Variants in ATP2C2 observed in about 807,000 individuals in gnomAD.
The protein encoded by ATP2C2 is ATPase secretory pathway Ca2+ transporting 2, also known as calcium-transporting ATPase type 2C member 2.
In ATP2C2, 171 loss-of-function variants were observed where a neutral mutation model predicts 110.8. That is an observed-to-expected ratio of 1.54 (90% CI 1.36 to 1.75). ATP2C2 has a LOEUF of 1.75. Ranked by LOEUF, ATP2C2 falls within the 40% of genes most tolerant of loss-of-function variation. The probability of loss-of-function intolerance (pLI) is 0.00; values close to 1 mark genes in which losing one functional copy is unlikely to be tolerated. For synonymous variants in ATP2C2, 804 were observed against 508.4 expected (o/e 1.58, Z -7.82); for missense variants, 1,963 against 1,235.0 (o/e 1.59, Z -8.84).
chr16:84,439,011 G>A, intron 11 of ATP2C2, 155 bp from the exon 12 acceptor site: 1 of 1,131,568 alleles, frequency 8.8e-7, no homozygotes, highest in Non-Finnish European at 1.2e-6. Context: ...TGCAGAAGGA[G>A]GCAGGTGCAC....
chr16:84,421,399 G>A (rs1009361145), intron 7 of ATP2C2, among the ~76,000 whole-genome samples: 2 of 152,232 alleles, frequency 1.3e-5, no homozygotes, highest in African/African-American at 4.8e-5. Flanking sequence ...ATTTTTAAAA[G>A]ATGACTACTA....
chr16:84,448,767 C>T lies in ATP2C2; in HGVS notation c.1660+78C>T, dbSNP rs1909994522. 46 of 1,526,150 alleles carry T rather than the reference C, an allele frequency of 3.0e-5. 3 individuals carry two copies. In the South Asian group the frequency reaches 5.9e-4, roughly 20 times the overall value. 94.5% of individuals were successfully genotyped at this position (1,526,150 alleles called of 1,614,324 possible). On this transcript the variant is annotated intron_variant, in intron 17 of 26. Transcript: ENST00000262429. ...TTTTAAGTGCATTCAAGCAGGGTCC[C>T]TAGTCAAGGAGGTCACCCGTCCCAA... is the stretch of plus-strand genomic sequence containing the variant.
At chr16:84,383,596 C>A (rs568313591) in intron 1 of ATP2C2, among the ~76,000 whole-genome samples, 1 of 152,148 alleles carries the variant, frequency 6.6e-6, no homozygotes, top group African/African-American at 2.4e-5. Context: ...GATGATAGCA[C>A]AAACACTATA....
intron 1 of ATP2C2, among the ~76,000 whole-genome samples, chr16:84,393,277 A>G (rs1429248765): frequency 1.3e-5 from 2 of 152,130 alleles, no homozygotes; most frequent in African/African-American, 2.4e-5. Context: ...CCGGGCCCCT[A>G]TGCATTCTTA....
chr16:84,426,308 G>C (rs965940413), intron 11 of ATP2C2, among the ~76,000 whole-genome samples: 10 of 152,072 alleles, frequency 6.6e-5, no homozygotes, highest in African/African-American at 2.2e-4. Context: ...CAGCAAGAAC[G>C]GCTCGAAGGA....
chr16:84,419,999 T>G (rs959834193), intron 7 of ATP2C2, among the ~76,000 whole-genome samples: 2 of 152,066 alleles, frequency 1.3e-5, no homozygotes, highest in African/African-American at 4.8e-5. Flanking sequence ...CCCAAGCTAC[T>G]TGTCTCATGC....
chr16:84,380,336 C>A (rs111323347), intron 1 of ATP2C2, among the ~76,000 whole-genome samples: 1 of 152,080 alleles, frequency 6.6e-6, no homozygotes, highest in East Asian at 1.9e-4. Flanking sequence ...TTGTGTGAAC[C>A]GGGAATTGTA....
chr16:84,371,659 T>G (rs1291243928), intron 1 of ATP2C2, among the ~76,000 whole-genome samples: 1 of 152,232 alleles, frequency 6.6e-6, no homozygotes, highest in East Asian at 1.9e-4. Context: ...CGGGGGAAGC[T>G]GTCTCTGCCC....
intron 1 of ATP2C2, among the ~76,000 whole-genome samples, chr16:84,381,621 A>G (rs1336707534): frequency 1.3e-5 from 2 of 152,102 alleles, no homozygotes; most frequent in Non-Finnish European, 2.9e-5. Flanking sequence ...CAACTACATA[A>G]GTGTCTTTTC....
At chr16:84,448,765 C>T in intron 17 of ATP2C2, 76 bp downstream of exon 17, 4 of 1,527,716 alleles carry the variant, frequency 2.6e-6, no homozygotes, top group Middle Eastern at 2.3e-4. Context: ...CAAGCAGGGT[C>T]CCTAGTCAAG....
chr16:84,441,475 C>G (rs896006908), intron 14 of ATP2C2, among the ~76,000 whole-genome samples: 4 of 152,124 alleles, frequency 2.6e-5, no homozygotes, highest in Non-Finnish European at 1.5e-5. Flanking sequence ...GCGGTCCGAG[C>G]TGTACTCACC....
chr16:84,431,037 G>C (rs888583979), intron 11 of ATP2C2, among the ~76,000 whole-genome samples: 5 of 152,092 alleles, frequency 3.3e-5, no homozygotes, highest in Non-Finnish European at 7.4e-5. Flanking sequence ...TTGACTCTCT[G>C]TTTACATCAA....
chr16:84,411,519 G>C (rs1449434608), intron 6 of ATP2C2, among the ~76,000 whole-genome samples: 1 of 152,174 alleles, frequency 6.6e-6, no homozygotes, highest in Non-Finnish European at 1.5e-5. Flanking sequence ...TCAGTTCGCT[G>C]CAACCTCCGC....
chr16:84,459,236 G>T, intron 22 of ATP2C2, 34 bp from the exon 23 acceptor site: 2 of 1,614,054 alleles, frequency 1.2e-6, no homozygotes, highest in East Asian at 2.2e-5. Flanking sequence ...CACGCCTGGC[G>T]GGCGGCCGCT....
intron 2 of ATP2C2, among the ~76,000 whole-genome samples, chr16:84,399,692 C>T (rs62048828): frequency 7.2e-5 from 11 of 152,232 alleles, no homozygotes; most frequent in Admixed American, 7.2e-4. Context: ...TTGATACAGG[C>T]ATACGCTATA....
chr16:84,423,114 G>C (rs781190394), intron 9 of ATP2C2, 74 bp from the exon 10 acceptor site: 14 of 1,326,650 alleles, frequency 1.1e-5, no homozygotes, highest in Non-Finnish European at 1.4e-5. Context: ...GGATGGCAAG[G>C]TGAAGACATT....
chr16:84,448,709 G>A lies in ATP2C2; in HGVS notation c.1660+20G>A. The A allele has an allele frequency of 6.3e-7, 1 of 1,599,318 alleles. No homozygotes were observed. On this transcript the variant is annotated intron_variant, in intron 17 of 26. Coordinates refer to ENST00000262429, the MANE Select transcript of ATP2C2 (RefSeq NM_014861.4). Reference sequence around the variant, plus strand: ...TGCGGGGTCAGTGCCTGTGGTCCCGGCCCAGAGCTTTAAGCTTGCATGTAA... The same window carrying A: ...TGCGGGGTCAGTGCCTGTGGTCCCGACCCAGAGCTTTAAGCTTGCATGTAA...
In ATP2C2 at chr16:84,384,392, G is replaced by A. The variant is rs971901040; in HGVS notation, c.100-14107G>A. On this transcript the variant is annotated intron_variant, in intron 1 of 26. Coordinates refer to ENST00000262429, the MANE Select transcript of ATP2C2 (RefSeq NM_014861.4). ...TTGTCTAATGTTTCCTCGGGATTTG[G>A]CTCAGGTTACGCGCTTCTGGAGAAA... Among the ~76,000 whole-genome samples, 2 of 152,138 alleles carry A rather than the reference G, an allele frequency of 1.3e-5. 1 individual carries two copies. Among genetic ancestry groups the A allele is most frequent in the Admixed American group, 1.3e-4 (2 of 15,268 alleles).
rs749498883 is a variant in ATP2C2 at position 84,415,515 on chromosome 16, C to T, written c.548C>T (p.Ala183Val). 3.1e-6 allele frequency: 5 copies of T among 1,614,210 alleles called. No homozygotes were observed. In the East Asian group the frequency reaches 8.9e-5, roughly 29 times the overall value. The change falls in exon 7 of 27, where the codon GCT becomes GTT. Residue 183 changes from alanine to valine, a missense_variant. Ala to Val is a moderately conservative substitution (Grantham distance 64, BLOSUM62 0). Coordinates refer to ENST00000262429, the MANE Select transcript of ATP2C2 (RefSeq NM_014861.4). The stretch of plus-strand genomic sequence containing the variant: ...GAAGGAAAACTCCAGCACCTGCTTG[C>T]TCGAGAACTGGTTCCTGGTGATGTC... ...LREGKLQHLL[A>V]RELVPGDVVS...
Sources: allele counts gnomAD v4.1 joint callset (sites outside exome capture counted in the v4.1 genomes callset), GRCh38; gene constraint gnomAD v4.1.1; transcripts MANE v1.5; gene names NCBI Gene and HGNC (gene_info 2026-07-23, HGNC 2026-07-21).